The following PTPRN2 variants were observed in gnomAD, a reference collection of about 807,000 sequenced individuals.
PTPRN2 encodes receptor-type tyrosine-protein phosphatase N2.
PTPRN2 carries 74 observed loss-of-function variants against 118.8 expected under a neutral mutation model. The ratio of observed to expected loss-of-function variants is 0.62; its 90% confidence interval spans 0.52 to 0.76. The LOEUF is 0.76. Ranked by LOEUF, PTPRN2 falls within the 30% of genes least tolerant of loss-of-function variation. The pLI is 0.00. For missense variants in PTPRN2, 1,481 were observed against 1,394.4 expected (o/e 1.06, Z -0.99); for synonymous variants, 641 against 608.0 (o/e 1.05, Z -0.80).
At chr7:158,504,304 G>T (rs1169088922) in intron 1 of PTPRN2, among the ~76,000 whole-genome samples, 2 of 152,096 alleles carry the variant, frequency 1.3e-5, no homozygotes, top group Non-Finnish European at 2.9e-5. Context: ...CCTCACCTGG[G>T]TATTTAGGCC....
At position 158,318,907 on chromosome 7, in the gene PTPRN2, A is replaced by C. The variant is rs369091444; in HGVS notation, c.164-1975T>G. Among the ~76,000 whole-genome samples, 7 of 152,370 alleles carry C rather than the reference A, an allele frequency of 4.6e-5. 1 individual carries two copies. The South Asian group carries it at 1.5e-3, about 32-fold the overall frequency. ...GAGTAGCCAACGCTTCGCAACATGC[A>C]GCTGAGGATCCCCTTCCCAGGCAAC... On this transcript the variant is annotated intron_variant, in intron 2 of 22. Coordinates refer to ENST00000389418, the MANE Select transcript of PTPRN2 (RefSeq NM_002847.5).
intron 14 of PTPRN2, among the ~76,000 whole-genome samples, chr7:157,633,139 CTTTTCTTTTTT>C (rs1268887904): frequency 6.7e-6 from 1 of 148,382 alleles, no homozygotes; most frequent in Non-Finnish European, 1.5e-5. Context: ...AGTTTCTTTT[CTTTTCTTTTTT>C]TTTTTTTTGA....
chr7:158,032,580 C>T (rs973312414), intron 11 of PTPRN2, among the ~76,000 whole-genome samples: 6 of 151,914 alleles, frequency 3.9e-5, no homozygotes, highest in South Asian at 2.1e-4. Flanking sequence ...GCAATAGACT[C>T]GGGCTGGACA....
chr7:158,033,987 A>T (rs1348629339), intron 11 of PTPRN2, among the ~76,000 whole-genome samples: 1 of 147,490 alleles, frequency 6.8e-6, no homozygotes, highest in Non-Finnish European at 1.5e-5. Flanking sequence ...CTCAATAGAA[A>T]CTCTGCACTC....
At chr7:158,519,427 G>A (rs760555936) in intron 1 of PTPRN2, among the ~76,000 whole-genome samples, 3 of 152,096 alleles carry the variant, frequency 2.0e-5, no homozygotes, top group Admixed American at 1.3e-4. Flanking sequence ...CAGAAGTGCC[G>A]ATTCCACCTC....
chr7:157,822,765 T>A (rs1363507706), intron 12 of PTPRN2, among the ~76,000 whole-genome samples: 1 of 151,708 alleles, frequency 6.6e-6, no homozygotes, highest in Non-Finnish European at 1.5e-5. Flanking sequence ...CATGCGTACA[T>A]GCATCCATCC....
At chr7:157,934,040 G>C (rs147682040) in intron 11 of PTPRN2, among the ~76,000 whole-genome samples, 4 of 152,318 alleles carry the variant, frequency 2.6e-5, no homozygotes, top group African/African-American at 9.6e-5. Flanking sequence ...GGCTGCCTCA[G>C]GAATAGACTG....
chr7:157,680,629 C>T (rs1046530889), intron 13 of PTPRN2, among the ~76,000 whole-genome samples: 5 of 152,206 alleles, frequency 3.3e-5, no homozygotes, highest in African/African-American at 9.7e-5. Context: ...CACAATGGTT[C>T]GGCACCTAGA....
At chr7:158,113,525 C>T (rs912153817) in intron 9 of PTPRN2, among the ~76,000 whole-genome samples, 1 of 152,078 alleles carries the variant, frequency 6.6e-6, no homozygotes, top group African/African-American at 2.4e-5. Context: ...GCTGGAGACC[C>T]CAGGCATTCT....
intron 11 of PTPRN2, among the ~76,000 whole-genome samples, chr7:158,059,137 G>C (rs373144948): frequency 1.2e-5 from 1 of 86,712 alleles, no homozygotes; most frequent in Admixed American, 1.2e-4. Flanking sequence ...ATCTGCCCAC[G>C]GTGAGACATC....
chr7:158,142,860 T>C (rs1819517776), intron 6 of PTPRN2, among the ~76,000 whole-genome samples: 1 of 152,216 alleles, frequency 6.6e-6, no homozygotes, highest in African/African-American at 2.4e-5. Flanking sequence ...CCCCAGCTCC[T>C]TCCACGCTGA....
Position 157,627,923 on chromosome 7 carries a change from G to A in PTPRN2, c.2197-6414C>T, listed in dbSNP as rs757861471. 9.9e-5 allele frequency among the ~76,000 whole-genome samples: 15 copies of A among 152,150 alleles called. No individual in the cohort carries two copies. Among genetic ancestry groups the A allele is most frequent in the South Asian group, 2.1e-4 (1 of 4,816 alleles). Reference sequence around the variant, plus strand: ...ACCCTTTGAGAATGACACCATCAGCGCTCACATAATCTACTTTGTTAGAGA... The same window carrying A: ...ACCCTTTGAGAATGACACCATCAGCACTCACATAATCTACTTTGTTAGAGA... On this transcript the variant is annotated intron_variant, in intron 14 of 22. Coordinates refer to ENST00000389418, the MANE Select transcript of PTPRN2 (RefSeq NM_002847.5). The surrounding 1 kb of genome is among the most constrained non-coding windows in gnomAD (Gnocchi z 4.2).
In PTPRN2 at chr7:158,569,599, G is replaced by A. The variant is rs1451062600; in HGVS notation, c.112+17959C>T. On this transcript the variant is annotated intron_variant, in intron 1 of 22. Coordinates refer to ENST00000389418, the MANE Select transcript of PTPRN2 (RefSeq NM_002847.5). Reference sequence around the variant, plus strand: ...GGAGGCAGCAGCTCCCAGCGGCCTCGAGGGCGCCACTGACAGGAGCGCGGG... The same window carrying A: ...GGAGGCAGCAGCTCCCAGCGGCCTCAAGGGCGCCACTGACAGGAGCGCGGG... Among the ~76,000 whole-genome samples the A allele has an allele frequency of 1.3e-5, 2 of 152,218 alleles. 1 individual carries two copies. Among genetic ancestry groups the A allele is most frequent in the African/African-American group, 4.8e-5 (2 of 41,470 alleles).
chr7:158,153,482 G>T (rs1283705643), intron 6 of PTPRN2, among the ~76,000 whole-genome samples: 30 of 152,112 alleles, frequency 2.0e-4, no homozygotes, highest in Non-Finnish European at 2.9e-5. Context: ...CCTAGACACT[G>T]CCATGGGGTC....
At chr7:158,487,278 G>A (rs1276910796) in intron 2 of PTPRN2, among the ~76,000 whole-genome samples, 1 of 152,080 alleles carries the variant, frequency 6.6e-6, no homozygotes, top group Admixed American at 6.5e-5. Context: ...CTGTGTTATG[G>A]GGTACGTACC....
chr7:157,604,086 A>G lies in PTPRN2; in HGVS notation c.2345-11T>C. The G allele has an allele frequency of 6.2e-7, 1 of 1,613,328 alleles. No individual in the cohort carries two copies. The highest frequency in any genetic ancestry group is 8.5e-7 in the Non-Finnish European group (1 of 1,179,720). On this transcript the variant is annotated splice_polypyrimidine_tract_variant and intron_variant, in intron 15 of 22. Transcript: ENST00000389418. ...CCCGGGAGTGGTCATCTGCAAGGAC[A>G]CAGTGCAGGGGTCAGAGGAACATTG...
intron 11 of PTPRN2, among the ~76,000 whole-genome samples, chr7:157,941,627 T>C (rs977982664): frequency 2.6e-5 from 4 of 152,228 alleles, no homozygotes; most frequent in African/African-American, 4.8e-5. Context: ...TGGCCATCTG[T>C]GCAGGGACAT....
chr7:158,336,177 C>T (rs1235855220), intron 2 of PTPRN2, among the ~76,000 whole-genome samples: 1 of 33,218 alleles, frequency 3.0e-5, no homozygotes, highest in African/African-American at 1.1e-4. Flanking sequence ...AGCTGTCGCC[C>T]GCAGAGGTCA....
intron 2 of PTPRN2, among the ~76,000 whole-genome samples, chr7:158,403,692 T>A (rs1813119098): frequency 6.6e-6 from 1 of 151,954 alleles, no homozygotes; most frequent in African/African-American, 2.4e-5. Context: ...GTGCCTGGGG[T>A]CTGAGGATCG....
Sources: allele counts gnomAD v4.1 joint callset (sites outside exome capture counted in the v4.1 genomes callset), GRCh38; gene constraint gnomAD v4.1.1; non-coding constraint Gnocchi (gnomAD v3.1); transcripts MANE v1.5; gene names NCBI Gene and HGNC (gene_info 2026-07-23, HGNC 2026-07-21).